Variants in POMGNT1 observed in about 807,000 individuals in gnomAD.
POMGNT1 encodes the protein protein O-linked mannose N-acetylglucosaminyltransferase 1 (beta 1,2-).
POMGNT1 carries 67 observed loss-of-function variants against 95.6 expected under a neutral mutation model. The ratio of observed to expected loss-of-function variants is 0.70; its 90% CI spans 0.58 to 0.86. The LOEUF (loss-of-function observed/expected upper bound fraction) is 0.86, where lower values mean the gene tolerates loss of function less well. Ranked by LOEUF, POMGNT1 falls within the 40% of genes least tolerant of loss-of-function variation. The pLI, the probability that POMGNT1 is intolerant of heterozygous loss-of-function variation, is 0.00. For synonymous variants in POMGNT1, 298 were observed against 317.9 expected (o/e 0.94, Z 0.66); for missense variants, 719 against 855.2 (o/e 0.84, Z 1.99).
chr1:46,204,982 G>T (rs1658665454), intron 1 of POMGNT1, among the ~76,000 whole-genome samples: 1 of 152,078 alleles, frequency 6.6e-6, no homozygotes, highest in Admixed American at 6.6e-5. Flanking sequence ...CACAGGGTGG[G>T]CATGGTGGCT....
rs772806258 is a variant in POMGNT1 at position 46,219,699 on chromosome 1, G to A, written c.-51+6C>T. On this transcript the variant is annotated splice_donor_region_variant and intron_variant, in intron 1 of 22. Coordinates refer to the POMGNT1 transcript ENST00000371992. ...CTAATTCCTTCTCCCACTCCCCCAG[G>A]CTTACCTGCGAGCCATCGATGTGAA... is the stretch of plus-strand genomic sequence containing the variant. The A allele has an allele frequency of 1.3e-5, 21 of 1,580,904 alleles. No individual in the cohort carries two copies. Among genetic ancestry groups the A allele is most frequent in the Non-Finnish European group, 1.8e-5 (21 of 1,162,378 alleles).
In POMGNT1 at chr1:46,197,102, G is replaced by T; in HGVS notation, c.121-18C>A. On this transcript the variant is annotated intron_variant, in intron 2 of 21. Coordinates refer to ENST00000371984, the MANE Select transcript of POMGNT1 (RefSeq NM_017739.4). ...GCCCCTGTCTGAGGGGAGGGGTAGGGATGATTAAGAGGAGCACCTCCTTCA... is the reference window on the plus strand; with the variant it reads ...GCCCCTGTCTGAGGGGAGGGGTAGGTATGATTAAGAGGAGCACCTCCTTCA... 6.2e-7 allele frequency: 1 copy of T among 1,614,074 alleles called. No homozygotes were observed. The highest frequency in any genetic ancestry group is 8.5e-7 in the Non-Finnish European group (1 of 1,179,998).
At chr1:46,192,638 T>C (rs370434340) in intron 14 of POMGNT1, 48 bp from the exon 15 acceptor site, 1 of 1,609,904 alleles carries the variant, frequency 6.2e-7, no homozygotes, top group Non-Finnish European at 8.5e-7. Flanking sequence ...AGGATAAATC[T>C]AGTCACACAG....
upstream of POMGNT1, among the ~76,000 whole-genome samples, chr1:46,202,907 G>GGGGC (rs1553164809): frequency 6.4e-5 from 2 of 31,182 alleles, 1 homozygote; most frequent in Admixed American, 6.9e-4. Context: ...TCTAGCCCCT[G>GGGGC]GGGGGGGGGG....
intron 17 of POMGNT1, 96 bp from the exon 18 acceptor site, chr1:46,190,880 G>T: frequency 8.5e-7 from 1 of 1,169,918 alleles, no homozygotes; most frequent in Non-Finnish European, 1.3e-6. Context: ...CACAAATGAA[G>T]TCCTAGACCT....
rs192904169 is a variant in POMGNT1, at chr1:46,192,029, C to T, written c.1539+69G>A. On this transcript the variant is annotated intron_variant, in intron 17 of 21. Coordinates refer to ENST00000371984, the MANE Select transcript of POMGNT1 (RefSeq NM_017739.4). The stretch of plus-strand genomic sequence containing the variant: ...CTAGCAAGTAGCAGAGCTAAGATTG[C>T]TTCAGAGTCCATGTTCTTGTTCTTG... 5,875 of 1,534,906 alleles carry T rather than the reference C, an allele frequency of 3.8e-3. 17 individuals are homozygous for T. Among genetic ancestry groups the T allele is most frequent in the Non-Finnish European group, 4.4e-3 (4,900 of 1,116,136 alleles).
intron 17 of POMGNT1, chr1:46,191,686 G>A: frequency 3.2e-6 from 1 of 309,600 alleles, no homozygotes; most frequent in South Asian, 2.9e-5. Context: ...CTAGGCTGGA[G>A]TGCAGTGGCG....
intron 13 of POMGNT1, 81 bp downstream of exon 13, chr1:46,193,093 G>A (rs567158427): frequency 5.0e-6 from 8 of 1,607,500 alleles, no homozygotes; most frequent in Middle Eastern, 1.7e-4. Flanking sequence ...GTGAGGGGAA[G>A]AGCTTGCCAC....
Position 46,190,777 on chromosome 1 carries a change from T to C in POMGNT1, c.1547A>G (p.Tyr516Cys), listed in dbSNP as rs746482070. Residue 516 changes from tyrosine to cysteine, a missense_variant, in exon 18 of 22, where the codon TAC becomes TGC. Transcript: ENST00000371984. ...CGTGTTGAACTTGTGCTTCTTGAAGTAGGCCTCCTGGAGTGGGTATGAGAG... is the reference window on the plus strand; with the variant it reads ...CGTGTTGAACTTGTGCTTCTTGAAGCAGGCCTCCTGGAGTGGGTATGAGAG... Reference protein sequence around the residue: ...LNMNGYFHEAYFKKHKFNTVP... With the variant: ...LNMNGYFHEACFKKHKFNTVP... 1.2e-6 allele frequency: 2 copies of C among 1,613,212 alleles called. No homozygotes were observed. Among genetic ancestry groups the C allele is most frequent in the East Asian group, 2.2e-5 (1 of 44,874 alleles).
chr1:46,196,696 TAG>T lies in POMGNT1; in HGVS notation c.354+33_354+34del. ...CCAGTGGACCATGCCCTGAGCAGAA[TAG>T]AGTGACTGTACACCAGACCCTGGCC... is the stretch of plus-strand genomic sequence containing the variant. On this transcript the variant is annotated intron_variant, in intron 4 of 21. Coordinates refer to ENST00000371984, the MANE Select transcript of POMGNT1 (RefSeq NM_017739.4). The surrounding 1 kb of genome is among the most constrained non-coding windows in gnomAD (Gnocchi z 4.4). The T allele has an allele frequency of 6.2e-7, 1 of 1,613,858 alleles. No homozygotes were observed. The highest frequency in any genetic ancestry group is 8.5e-7 in the Non-Finnish European group (1 of 1,180,008).
chr1:46,210,299 T>G lies in POMGNT1; in HGVS notation c.-51+9406A>C, dbSNP rs150398361. On this transcript the variant is annotated intron_variant, in intron 1 of 22. Transcript: ENST00000371992. ...GTGTTTTTTTAATTTTTTCACTTAATGCAACACAACAATAATCATTAATAC... is the reference window on the plus strand; with the variant it reads ...GTGTTTTTTTAATTTTTTCACTTAAGGCAACACAACAATAATCATTAATAC... Among the ~76,000 whole-genome samples, 945 of 152,310 alleles carry G rather than the reference T, an allele frequency of 6.2e-3. 3 individuals are homozygous for G. Among genetic ancestry groups the G allele is most frequent in the Non-Finnish European group, 9.8e-3 (666 of 68,022 alleles).
At chr1:46,203,927 AACCCAACGCAGC>A (rs1340606640) in intron 1 of POMGNT1, among the ~76,000 whole-genome samples, 2 of 152,150 alleles carry the variant, frequency 1.3e-5, no homozygotes, top group East Asian at 3.9e-4. Context: ...AAGTACTGAG[AACCCAACGCAGC>A]ACAAATTCCC....
upstream of POMGNT1, among the ~76,000 whole-genome samples, chr1:46,199,999 G>A (rs530944308): frequency 2.0e-5 from 3 of 151,928 alleles, no homozygotes; most frequent in East Asian, 1.9e-4. Flanking sequence ...GTGAAACCCC[G>A]TCTCTACTAA....
chr1:46,205,538 C>A (rs1186769578), intron 1 of POMGNT1, among the ~76,000 whole-genome samples: 2 of 152,216 alleles, frequency 1.3e-5, no homozygotes, highest in African/African-American at 4.8e-5. Flanking sequence ...ATTCTGAACT[C>A]ACATAGGGAG....
rs1657550299 is a variant in POMGNT1 at position 46,189,266 on chromosome 1, G to A, written c.*4C>T. 1 of 1,613,064 alleles carries A rather than the reference G, an allele frequency of 6.2e-7. No individual in the cohort carries two copies. Among genetic ancestry groups the A allele is most frequent in the Non-Finnish European group, 8.5e-7 (1 of 1,179,552 alleles). On this transcript the variant is annotated 3_prime_UTR_variant, in exon 22 of 22. Coordinates refer to ENST00000371984, the MANE Select transcript of POMGNT1 (RefSeq NM_017739.4). The stretch of plus-strand genomic sequence containing the variant: ...CCCAGCCCCGCAGGGTCCTGGAGGA[G>A]GTCTCATGTCTGTTCTGGGGCTCCT...
At chr1:46,218,410 T>G (rs1461172217) in intron 1 of POMGNT1, among the ~76,000 whole-genome samples, 1 of 152,126 alleles carries the variant, frequency 6.6e-6, no homozygotes, top group African/African-American at 2.4e-5. Context: ...AAAGTAAAAC[T>G]AAATAAAACT....
In POMGNT1 at chr1:46,190,503, G is replaced by T; in HGVS notation, c.1619C>A (p.Ala540Asp). 6.2e-7 allele frequency: 1 copy of T among 1,607,198 alleles called. No individual in the cohort carries two copies. The highest frequency in any genetic ancestry group is 8.5e-7 in the Non-Finnish European group (1 of 1,173,648). Residue 540 changes from alanine to aspartate, a missense_variant, in exon 19 of 22, where the codon GCT (alanine) becomes GAT (aspartate). Transcript: ENST00000371984. Reference sequence around the variant, plus strand: ...CAGCCTGTGAACTTCCACTTCATAAGCTTCTTTCTTCAGACTGAAGAGGAG... The same window carrying T: ...CAGCCTGTGAACTTCCACTTCATAATCTTCTTTCTTCAGACTGAAGAGGAG... ...LRNVDSLKKEAYEVEVHRLLS... is the reference protein window; with the variant it reads ...LRNVDSLKKEDYEVEVHRLLS...
chr1:46,192,856 T>C, intron 14 of POMGNT1, 44 bp downstream of exon 14: 1 of 1,613,108 alleles, frequency 6.2e-7, no homozygotes, highest in Non-Finnish European at 8.5e-7. Flanking sequence ...ACTCTTTCCC[T>C]GCAGACTGAG....
Position 46,190,479 on chromosome 1 carries a change from A to C in POMGNT1, c.1643T>G (p.Leu548Arg), listed in dbSNP as rs1188550112. The C allele has an allele frequency of 6.2e-7, 1 of 1,601,476 alleles. No homozygotes were observed. Among genetic ancestry groups the C allele is most frequent in the Non-Finnish European group, 8.6e-7 (1 of 1,168,428 alleles). The change falls in exon 19 of 22, where the codon CTG (leucine) becomes CGG (arginine). Residue 548 changes from leucine (L) to arginine (R), a missense_variant. By Grantham distance (102) the Leu-to-Arg change is moderately radical (BLOSUM62 -2). Around this residue, in one of 5 missense-constraint regions of POMGNT1, gnomAD observed 130 missense variants for 149.2 expected, o/e 0.87. Transcript: ENST00000371984. Reference sequence around the variant, plus strand: ...CAATTGTCCTAGGCCATACCTGAGCAGCCTGTGAACTTCCACTTCATAAGC... The same window carrying C: ...CAATTGTCCTAGGCCATACCTGAGCCGCCTGTGAACTTCCACTTCATAAGC... ...KEAYEVEVHRLLSEAEVLDHS... is the reference protein window; with the variant it reads ...KEAYEVEVHRRLSEAEVLDHS...
Sources: allele counts gnomAD v4.1 joint callset (sites outside exome capture counted in the v4.1 genomes callset), GRCh38; gene constraint gnomAD v4.1.1; regional missense constraint gnomAD v4.1.1; non-coding constraint Gnocchi (gnomAD v3.1); transcripts MANE v1.5; gene names NCBI Gene and HGNC (gene_info 2026-07-23, HGNC 2026-07-21).